The following TBX20 variants were observed in gnomAD, a reference collection of about 807,000 sequenced individuals.
TBX20 encodes T-box transcription factor TBX20.
Under a neutral mutation model 42.9 loss-of-function variants are expected in TBX20, and 8 were observed. That is an observed-to-expected ratio of 0.19 (90% CI 0.11 to 0.34). The LOEUF is 0.34. TBX20 is among the 10% of genes least tolerant of loss of function. The pLI, the probability that TBX20 is intolerant of heterozygous loss-of-function variation, is 1.00. For synonymous variants in TBX20, 198 were observed against 222.8 expected, an observed-to-expected ratio of 0.89 and a Z score of 0.99; for missense variants, 411 against 566.0, an observed-to-expected ratio of 0.73 and a Z score of 2.78.
intron 6 of TBX20, among the ~76,000 whole-genome samples, chr7:35,221,295 C>G (rs199947443): frequency 3.2e-4 from 25 of 77,754 alleles, no homozygotes; most frequent in Admixed American, 8.5e-4. Context: ...TTCGGTCTGG[C>G]AAAAAAAAAA....
chr7:35,204,672 A>G, intron 6 of TBX20, 90 bp from the exon 7 acceptor site: 1 of 964,586 alleles, frequency 1.0e-6, no homozygotes, highest in South Asian at 1.4e-5. Context: ...TAATCAGTAA[A>G]ACCATTTTCT....
intron 4 of TBX20, among the ~76,000 whole-genome samples, chr7:35,243,263 G>A (rs1562566060): frequency 6.6e-6 from 1 of 152,158 alleles, no homozygotes; most frequent in Non-Finnish European, 1.5e-5. Flanking sequence ...TGGATTGCAG[G>A]TGTGAGCCAC....
At chr7:35,243,519 T>G (rs1470768961) in intron 4 of TBX20, among the ~76,000 whole-genome samples, 1 of 152,164 alleles carries the variant, frequency 6.6e-6, no homozygotes, top group Non-Finnish European at 1.5e-5. Context: ...CTCTAAAAGC[T>G]TCACTTATAG....
intron 1 of TBX20, among the ~76,000 whole-genome samples, chr7:35,252,341 G>C (rs1180812347): frequency 6.6e-6 from 1 of 151,634 alleles, no homozygotes; most frequent in Non-Finnish European, 1.5e-5. Flanking sequence ...GAGGTGGGTG[G>C]GAAGAACCAG....
At chr7:35,239,075 A>G (rs1320330640) in intron 5 of TBX20, among the ~76,000 whole-genome samples, 1 of 152,068 alleles carries the variant, frequency 6.6e-6, no homozygotes, top group African/African-American at 2.4e-5. Flanking sequence ...TGGCCCTAAT[A>G]TCTAGGTAAG....
chr7:35,242,538 G>A (rs1790103388), intron 4 of TBX20, among the ~76,000 whole-genome samples: 1 of 152,064 alleles, frequency 6.6e-6, no homozygotes, highest in African/African-American at 2.4e-5. Context: ...ATATTCTACT[G>A]GGAAGATAGG....
In TBX20 at chr7:35,252,454, G is replaced by A. The variant is rs1790323319; in HGVS notation, c.127+1040C>T. On this transcript the variant is annotated intron_variant, in intron 1 of 7. Transcript: ENST00000408931. Reference sequence around the variant, plus strand: ...TTTTCCTTGGTTTCAAGTAGCTACAGGAATTTTACTTCTCTCATCTTTAAG... The same window carrying A: ...TTTTCCTTGGTTTCAAGTAGCTACAAGAATTTTACTTCTCTCATCTTTAAG... Among the ~76,000 whole-genome samples the A allele has an allele frequency of 5.3e-5, 8 of 151,574 alleles. No individual in the cohort carries two copies. In the South Asian group the frequency reaches 1.5e-3, roughly 28 times the overall value.
chr7:35,233,673 G>A (rs1467855017), intron 5 of TBX20, among the ~76,000 whole-genome samples: 2 of 152,156 alleles, frequency 1.3e-5, no homozygotes, highest in Non-Finnish European at 2.9e-5. Flanking sequence ...CTAAAGCCCA[G>A]GCAATTGATA....
At chr7:35,204,090 C>G (rs1254893806) in intron 7 of TBX20, among the ~76,000 whole-genome samples, 1 of 152,164 alleles carries the variant, frequency 6.6e-6, no homozygotes, top group Non-Finnish European at 1.5e-5. Flanking sequence ...ATAGATGGAA[C>G]AGATATATTC....
Position 35,245,445 on chromosome 7 carries a change from G to A in TBX20, c.546-388C>T, listed in dbSNP as rs540847861. 4.6e-5 allele frequency among the ~76,000 whole-genome samples: 7 copies of A among 151,680 alleles called. No individual in the cohort carries two copies. The East Asian group carries it at 1.2e-3, about 25-fold the overall frequency. ...AAAGAAAAACTAGCTTACACTAATC[G>A]CATGAGTTCCTATTATAAACATCTC... On this transcript the variant is annotated intron_variant, in intron 3 of 7. Coordinates refer to ENST00000408931, the MANE Select transcript of TBX20 (RefSeq NM_001077653.2).
intron 6 of TBX20, among the ~76,000 whole-genome samples, chr7:35,221,157 A>G (rs1789675325): frequency 6.6e-6 from 1 of 151,704 alleles, no homozygotes; most frequent in Admixed American, 6.6e-5. Context: ...TTTCTAAAAA[A>G]TGATAAGAAA....
intron 5 of TBX20, among the ~76,000 whole-genome samples, chr7:35,234,561 T>C (rs1245520299): frequency 2.0e-5 from 3 of 152,226 alleles, no homozygotes; most frequent in Admixed American, 6.5e-5. Flanking sequence ...AATCCAACTT[T>C]CATAAATCCT....
At chr7:35,238,143 T>C (rs1393526835) in intron 5 of TBX20, among the ~76,000 whole-genome samples, 1 of 152,214 alleles carries the variant, frequency 6.6e-6, no homozygotes, top group Admixed American at 6.5e-5. Flanking sequence ...TATCTCATGA[T>C]ATCATTGAGA....
chr7:35,211,868 A>G (rs1404227341), intron 6 of TBX20, among the ~76,000 whole-genome samples: 1 of 151,944 alleles, frequency 6.6e-6, no homozygotes, highest in East Asian at 1.9e-4. Context: ...TCTTTATATC[A>G]CTAGTTTTGT....
intron 4 of TBX20, among the ~76,000 whole-genome samples, chr7:35,242,025 A>T (rs1790092669): frequency 6.6e-6 from 1 of 152,066 alleles, no homozygotes; most frequent in African/African-American, 2.4e-5. Flanking sequence ...GAGCTAGCAG[A>T]AAGCGGGACT....
intron 6 of TBX20, among the ~76,000 whole-genome samples, chr7:35,215,336 C>T (rs996050313): frequency 6.6e-6 from 1 of 152,108 alleles, no homozygotes. Flanking sequence ...GCCATCTCTT[C>T]GAAGATGTTA....
intron 6 of TBX20, among the ~76,000 whole-genome samples, chr7:35,209,459 A>G (rs1437401474): frequency 7.2e-5 from 11 of 152,290 alleles, no homozygotes; most frequent in Middle Eastern, 3.4e-3. Flanking sequence ...GTAAGTATTC[A>G]TAATATTCCT....
At chr7:35,213,535 G>T (rs1789532238) in intron 6 of TBX20, among the ~76,000 whole-genome samples, 1 of 152,104 alleles carries the variant, frequency 6.6e-6, no homozygotes, top group Non-Finnish European at 1.5e-5. Context: ...ACCCATCAAT[G>T]AACAAAAACA....
intron 6 of TBX20, among the ~76,000 whole-genome samples, chr7:35,210,333 T>G (rs1274646430): frequency 1.3e-5 from 2 of 151,994 alleles, no homozygotes; most frequent in Non-Finnish European, 2.9e-5. Flanking sequence ...GCCAGGATGG[T>G]CTCGATCTCC....
Sources: allele counts gnomAD v4.1 joint callset (sites outside exome capture counted in the v4.1 genomes callset), GRCh38; gene constraint gnomAD v4.1.1; transcripts MANE v1.5; gene names NCBI Gene and HGNC (gene_info 2026-07-23, HGNC 2026-07-21).